Variants in ATP2C1 observed in about 807,000 individuals in gnomAD.
ATP2C1 encodes the protein calcium-transporting ATPase type 2C member 1.
ATP2C1 carries 31 observed loss-of-function variants against 120.5 expected under a neutral mutation model. The ratio of observed to expected loss-of-function variants is 0.26; its 90% CI spans 0.19 to 0.35. The LOEUF is 0.35. Ranked by LOEUF, ATP2C1 falls within the 10% of genes least tolerant of loss-of-function variation. ATP2C1 has a pLI of 1.00. For synonymous variants in ATP2C1, 351 were observed against 358.7 expected, an observed-to-expected ratio of 0.98 and a Z score of 0.24; for missense variants, 731 against 1,107.5, an observed-to-expected ratio of 0.66 and a Z score of 4.83.
intron 2 of ATP2C1, among the ~76,000 whole-genome samples, chr3:130,916,820 A>C (rs546274484): frequency 6.5e-4 from 99 of 152,214 alleles, no homozygotes; most frequent in African/African-American, 2.4e-3. Context: ...TTGTCCAAAA[A>C]CCATACAAAT....
chr3:130,861,043 G>C (rs563059705), intron 1 of ATP2C1, among the ~76,000 whole-genome samples: 1 of 152,350 alleles, frequency 6.6e-6, no homozygotes, highest in African/African-American at 2.4e-5. Flanking sequence ...GCTGAGGTGG[G>C]TGGATCAGTT....
Position 130,932,002 on chromosome 3 carries a change from T to C in ATP2C1, c.118-20T>C. ...TCTGTGCTAACATTTTCAATAACTT[T>C]CATGTATAAACTCTAATAGGCTGAT... is the stretch of plus-strand genomic sequence containing the variant. On this transcript the variant is annotated intron_variant, in intron 3 of 27. Transcript: ENST00000510168. 1 of 1,450,066 alleles carries C rather than the reference T, an allele frequency of 6.9e-7. No individual in the cohort carries two copies. Among genetic ancestry groups the C allele is most frequent in the Non-Finnish European group, 9.7e-7 (1 of 1,030,658 alleles). The allele number at this position is 1,450,066 out of a possible 1,614,324, so 89.8% of individuals were successfully genotyped here.
intron 7 of ATP2C1, among the ~76,000 whole-genome samples, chr3:130,941,209 C>T (rs1055866042): frequency 2.7e-5 from 4 of 146,720 alleles, no homozygotes; most frequent in East Asian, 2.0e-4. Context: ...CCACCGCGCC[C>T]GGCTGTATTT....
chr3:130,979,000 T>A (rs1202536936), intron 18 of ATP2C1, among the ~76,000 whole-genome samples: 1 of 152,226 alleles, frequency 6.6e-6, no homozygotes, highest in East Asian at 1.9e-4. Context: ...ATTTTCTGTC[T>A]CTTGCCTACT....
chr3:130,945,761 A>G (rs982921008), intron 8 of ATP2C1, among the ~76,000 whole-genome samples: 5 of 152,006 alleles, frequency 3.3e-5, no homozygotes, highest in Non-Finnish European at 7.4e-5. Context: ...AATCCAGTCT[A>G]TCATTGAACA....
intron 14 of ATP2C1, 35 bp from the exon 15 acceptor site, chr3:130,967,110 T>C: frequency 2.0e-6 from 3 of 1,493,750 alleles, no homozygotes; most frequent in Non-Finnish European, 2.8e-6. Flanking sequence ...GTGTTTGTAG[T>C]GTTTGTATTA....
rs145413274 is a variant in ATP2C1, at chr3:130,979,352, A to G, written c.1674A>G (p.Thr558=). 38 of 1,613,576 alleles carry G rather than the reference A, an allele frequency of 2.4e-5. No individual in the cohort carries two copies. The African/African-American group carries it at 3.7e-4, about 16-fold the overall frequency. The change falls in exon 19 of 28, where the codon ACA becomes ACG. Residue 558 remains threonine (T), a synonymous_variant. Coordinates refer to ENST00000510168, the MANE Select transcript of ATP2C1 (RefSeq NM_001378687.1). ...PRTGVKEAVT[T]LIASGVSIKM... The stretch of plus-strand genomic sequence containing the variant: ...CTGGTGTGAAAGAAGCTGTTACAAC[A>G]CTCATTGCCTCAGGAGTATCAATAA...
At chr3:130,912,866 A>G (rs2058499094) in intron 2 of ATP2C1, among the ~76,000 whole-genome samples, 1 of 152,136 alleles carries the variant, frequency 6.6e-6, no homozygotes, top group Non-Finnish European at 1.5e-5. Context: ...ATGCCCAACA[A>G]TGATAGACTG....
At chr3:131,016,633 T>C (rs946737216) in exon 27 of ATP2C1, 2 of 415,970 alleles carry the variant, frequency 4.8e-6, no homozygotes, top group Non-Finnish European at 8.8e-6. Context: ...ATTTGAATTC[T>C]CTAAACCCTA....
In ATP2C1 at chr3:130,950,093, T is replaced by C. The variant is rs1470941096; in HGVS notation, c.532-3728T>C. Among the ~76,000 whole-genome samples the C allele has an allele frequency of 2.0e-5, 3 of 152,270 alleles. No individual in the cohort carries two copies. In the East Asian group the frequency reaches 5.8e-4, roughly 29 times the overall value. On this transcript the variant is annotated intron_variant, in intron 8 of 27. Transcript: ENST00000510168. ...GTACTTTCTGCCTTTCAGGAAACCT[T>C]TGTGACTGGCATTTGATTTCTTTCT...
intron 1 of ATP2C1, among the ~76,000 whole-genome samples, chr3:130,858,435 A>G (rs1306152282): frequency 6.6e-6 from 1 of 152,186 alleles, no homozygotes; most frequent in African/African-American, 2.4e-5. Context: ...CTTCCTTCAG[A>G]TTTTAATTCA....
At chr3:130,964,165 G>A in intron 13 of ATP2C1, 70 bp downstream of exon 13, 2 of 1,581,098 alleles carry the variant, frequency 1.3e-6, no homozygotes, top group Middle Eastern at 1.7e-4. Context: ...TCATCTCAGA[G>A]TTTTACAGTT....
upstream of ATP2C1, chr3:130,893,866 G>T: frequency 1.0e-6 from 1 of 954,810 alleles, no homozygotes; most frequent in Non-Finnish European, 1.2e-6. Context: ...CCTCCTACCG[G>T]ACGGATCCAA....
intron 23 of ATP2C1, 140 bp downstream of exon 23, chr3:130,996,251 T>C (rs2062617360): frequency 1.4e-6 from 1 of 710,962 alleles, no homozygotes; most frequent in Non-Finnish European, 2.5e-6. Flanking sequence ...AAAGAAAATT[T>C]ATTGTATTCT....
In ATP2C1 at chr3:130,896,955, G is replaced by A. The variant is rs188522538; in HGVS notation, c.6+2180G>A. ...GCATATTAAAGTTTTCTGTGCTTCC[G>A]TTTCTTCATAAAATAAAGATAATGA... On this transcript the variant is annotated intron_variant, in intron 2 of 27. Transcript: ENST00000510168. Among the ~76,000 whole-genome samples the A allele has an allele frequency of 4.6e-5, 7 of 152,212 alleles. No individual in the cohort carries two copies. In the East Asian group the frequency reaches 1.3e-3, roughly 29 times the overall value.
At chr3:130,914,375 G>C (rs920262488) in intron 2 of ATP2C1, 5 of 151,830 alleles carry the variant, frequency 3.3e-5, no homozygotes, top group African/African-American at 1.2e-4. Flanking sequence ...TGAGAAGGGA[G>C]AAAGAGTAGA....
chr3:130,859,646 C>A (rs2067953737), intron 1 of ATP2C1, among the ~76,000 whole-genome samples: 1 of 152,196 alleles, frequency 6.6e-6, no homozygotes, highest in African/African-American at 2.4e-5. Context: ...GGTGTTCCAT[C>A]CTTCTTGTCC....
chr3:130,968,855 A>T (rs2061168285), intron 16 of ATP2C1, among the ~76,000 whole-genome samples: 1 of 152,180 alleles, frequency 6.6e-6, no homozygotes, highest in Admixed American at 6.5e-5. Flanking sequence ...CAGGATATAA[A>T]GTGGCAGAGG....
At chr3:130,859,127 A>G (rs967317945) in intron 1 of ATP2C1, among the ~76,000 whole-genome samples, 3 of 152,206 alleles carry the variant, frequency 2.0e-5, no homozygotes, top group African/African-American at 7.2e-5. Context: ...CAATAGAGAG[A>G]TGAACAATTC....
Sources: gnomAD v4.1 joint callset for allele counts (sites outside exome capture counted in the v4.1 genomes callset) on GRCh38, gnomAD v4.1.1 for gene constraint, MANE v1.5 for transcripts, NCBI Gene and HGNC (gene_info 2026-07-23, HGNC 2026-07-21) for gene names.